DCDC2C: variants seen among roughly 807,000 people sequenced by gnomAD.
DCDC2C encodes doublecortin domain containing 2C.
In DCDC2C, 44 loss-of-function variants were observed where a neutral mutation model predicts 45.0. That is an observed-to-expected ratio of 0.98 (90% CI 0.77 to 1.26). DCDC2C has a LOEUF of 1.26. DCDC2C is among the 50% of genes most tolerant of loss of function. DCDC2C has a pLI of 0.00. For synonymous variants in DCDC2C, 187 were observed against 178.8 expected (o/e 1.05, Z -0.37); for missense variants, 447 against 468.9 (o/e 0.95, Z 0.43).
intron 3 of DCDC2C, among the ~76,000 whole-genome samples, chr2:3,739,560 C>T (rs12105028): frequency 0.029 from 4,473 of 152,352 alleles, 111 homozygotes; most frequent in East Asian, 0.1. Flanking sequence ...GGCCGCCGAC[C>T]GGCAGAACGA....
chr2:3,732,496 T>C (rs1048799722), intron 3 of DCDC2C, among the ~76,000 whole-genome samples: 1 of 152,114 alleles, frequency 6.6e-6, no homozygotes. Flanking sequence ...TTGACAGCAA[T>C]GAACAAAACA....
intron 8 of DCDC2C, among the ~76,000 whole-genome samples, chr2:3,772,177 T>C (rs882416): frequency 0.063 from 9,593 of 152,262 alleles, 1,036 homozygotes; most frequent in African/African-American, 0.22. Context: ...ACCTCATGAA[T>C]GCAGAGTCCT....
At chr2:3,759,723 A>G (rs1034332175) in intron 6 of DCDC2C, among the ~76,000 whole-genome samples, 2 of 152,232 alleles carry the variant, frequency 1.3e-5, no homozygotes, top group African/African-American at 4.8e-5. Flanking sequence ...GATAATATCC[A>G]TGCATAAAAG....
chr2:3,810,812 C>T (rs1455447195), intron 10 of DCDC2C, among the ~76,000 whole-genome samples: 1 of 152,184 alleles, frequency 6.6e-6, no homozygotes, highest in African/African-American at 2.4e-5. Context: ...AGCCAGTTTT[C>T]CTACCACCAT....
chr2:3,718,322 A>G (rs536945282), intron 2 of DCDC2C, among the ~76,000 whole-genome samples: 35 of 152,312 alleles, frequency 2.3e-4, no homozygotes, highest in African/African-American at 8.2e-4. Context: ...GGCCAACCAC[A>G]GGCTCCACAA....
chr2:3,778,967 G>A, intron 9 of DCDC2C, 83 bp downstream of exon 9: 2 of 1,335,782 alleles, frequency 1.5e-6, no homozygotes, highest in Non-Finnish European at 2.1e-6. Flanking sequence ...GGTGGTGAAA[G>A]GATCTGAGAT....
At chr2:3,804,767 C>T (rs1009376189) in intron 10 of DCDC2C, among the ~76,000 whole-genome samples, 1 of 152,252 alleles carries the variant, frequency 6.6e-6, no homozygotes, top group Non-Finnish European at 1.5e-5. Flanking sequence ...GTGCTGCACT[C>T]GTAACAAAGG....
At position 3,737,080 on chromosome 2, in the gene DCDC2C, C is replaced by A. The variant is rs145698588; in HGVS notation, c.417-4840C>A. Among the ~76,000 whole-genome samples the A allele has an allele frequency of 4.7e-4, 72 of 152,240 alleles. 1 individual carries two copies. The highest frequency in any genetic ancestry group is 1.0e-3 in the South Asian group (5 of 4,816). On this transcript the variant is annotated intron_variant, in intron 3 of 10. Coordinates refer to ENST00000399143, the MANE Select transcript of DCDC2C (RefSeq NM_001287444.2). ...ATGGCTCCATCCAATCCATGTACCC[C>A]CCGCCACTGCCCATCCAGAATTGAC...
intron 10 of DCDC2C, among the ~76,000 whole-genome samples, chr2:3,812,225 G>A (rs1271751468): frequency 6.7e-6 from 1 of 149,142 alleles, no homozygotes; most frequent in Admixed American, 6.6e-5. Context: ...TTTTTTTTTG[G>A]TTGGTAGGCT....
intron 10 of DCDC2C, among the ~76,000 whole-genome samples, chr2:3,801,168 A>G (rs1671103083): frequency 6.6e-6 from 1 of 152,250 alleles, no homozygotes; most frequent in Non-Finnish European, 1.5e-5. Context: ...ACAGTATCGC[A>G]TCCCAGCAGG....
intron 10 of DCDC2C, among the ~76,000 whole-genome samples, chr2:3,785,746 G>C (rs921574068): frequency 6.6e-6 from 1 of 152,168 alleles, no homozygotes; most frequent in African/African-American, 2.4e-5. Context: ...AATGTGTCAA[G>C]TTTCATTTAT....
intron 10 of DCDC2C, among the ~76,000 whole-genome samples, chr2:3,838,680 C>G (rs150871031): frequency 6.6e-6 from 1 of 152,114 alleles, no homozygotes. Context: ...TACCCACTTC[C>G]GTGGCTGGTG....
chr2:3,795,341 C>T (rs1670926896), intron 10 of DCDC2C, among the ~76,000 whole-genome samples: 1 of 43,040 alleles, frequency 2.3e-5, no homozygotes, highest in Non-Finnish European at 4.3e-5. Flanking sequence ...ATGATAGTTT[C>T]TTTTGCTGTG....
At chr2:3,843,390 C>T (rs779330293) in intron 10 of DCDC2C, among the ~76,000 whole-genome samples, 7 of 152,086 alleles carry the variant, frequency 4.6e-5, no homozygotes, top group Non-Finnish European at 8.8e-5. Context: ...GTGAATGTGC[C>T]GAGTTCTCCA....
chr2:3,835,690 C>T (rs1034751390), intron 10 of DCDC2C, among the ~76,000 whole-genome samples: 1 of 152,126 alleles, frequency 6.6e-6, no homozygotes, highest in Admixed American at 6.5e-5. Context: ...CTGTGCAGGT[C>T]ATTGATTTGA....
chr2:3,844,695 T>G (rs1412225135), intron 10 of DCDC2C: 3 of 152,192 alleles, frequency 2.0e-5, no homozygotes, highest in Non-Finnish European at 4.4e-5. Context: ...TGGCAAGACT[T>G]TAAGTTTTTA....
At chr2:3,708,704 G>A (rs1668132039) in intron 2 of DCDC2C, 104 bp downstream of exon 2, 2 of 844,858 alleles carry the variant, frequency 2.4e-6, no homozygotes, top group Non-Finnish European at 3.8e-6. Flanking sequence ...AGCAGTAAAT[G>A]CCTGCAGAGA....
chr2:3,808,946 A>AT (rs903420687), intron 10 of DCDC2C, among the ~76,000 whole-genome samples: 5 of 151,764 alleles, frequency 3.3e-5, no homozygotes, highest in South Asian at 4.2e-4. Context: ...AGGAATGAGG[A>AT]TTTTTTTTTA....
At chr2:3,841,558 T>A (rs1263382273) in intron 10 of DCDC2C, among the ~76,000 whole-genome samples, 1 of 152,212 alleles carries the variant, frequency 6.6e-6, no homozygotes, top group African/African-American at 2.4e-5. Context: ...TTTTTTATTC[T>A]TTTATTTATC....
Sources: allele counts gnomAD v4.1 joint callset (sites outside exome capture counted in the v4.1 genomes callset), GRCh38; gene constraint gnomAD v4.1.1; transcripts MANE v1.5; gene names NCBI Gene and HGNC (gene_info 2026-07-23, HGNC 2026-07-21).